The following SHANK1 variants were observed in gnomAD, a reference collection of about 807,000 sequenced individuals.
The protein encoded by SHANK1 is SH3 and multiple ankyrin repeat domains 1, also known as SH3 and multiple ankyrin repeat domains protein 1.
Under a neutral mutation model 165.6 loss-of-function variants are expected in SHANK1, and 35 were observed. That is an observed-to-expected ratio of 0.21 (90% CI 0.16 to 0.28). The LOEUF (loss-of-function observed/expected upper bound fraction) is 0.28. SHANK1 is among the 10% of genes least tolerant of loss of function. The pLI is 1.00. For missense variants in SHANK1, 2,681 were observed against 3,036.4 expected (o/e 0.88, Z 2.75); for synonymous variants, 1,428 against 1,384.8 (o/e 1.03, Z -0.69).
intron 8 of SHANK1, among the ~76,000 whole-genome samples, chr19:50,706,324 G>T (rs2088938501): frequency 6.6e-6 from 1 of 152,160 alleles, no homozygotes; most frequent in Non-Finnish European, 1.5e-5. Context: ...GTGGGGGCAG[G>T]ACTGGGCCAG....
chr19:50,688,639 G>C lies in SHANK1; in HGVS notation c.2172+205C>G, dbSNP rs1289620529. 6.6e-6 allele frequency among the ~76,000 whole-genome samples: 1 copy of C among 152,202 alleles called. No individual in the cohort carries two copies. Among genetic ancestry groups the C allele is most frequent in the Non-Finnish European group, 1.5e-5 (1 of 68,046 alleles). On this transcript the variant is annotated intron_variant, in intron 17 of 23. Coordinates refer to ENST00000293441, the MANE Select transcript of SHANK1 (RefSeq NM_016148.5). This position sits in a 1 kb window ranked among gnomAD's most constrained non-coding sequence, Gnocchi z 6.7. ...CGGTATTGTGTATGTGTTGGGGACAGCTCTGTGTCACTCTTTTGAGATGCC... is the reference window on the plus strand; with the variant it reads ...CGGTATTGTGTATGTGTTGGGGACACCTCTGTGTCACTCTTTTGAGATGCC...
intron 15 of SHANK1, among the ~76,000 whole-genome samples, chr19:50,691,620 G>A (rs1029699873): frequency 1.3e-5 from 2 of 152,180 alleles, no homozygotes; most frequent in African/African-American, 4.8e-5. Flanking sequence ...TCATTAAATT[G>A]TCTTCTCATA....
chr19:50,672,330 G>A (rs929995293), intron 21 of SHANK1, among the ~76,000 whole-genome samples: 10 of 152,110 alleles, frequency 6.6e-5, no homozygotes, highest in Non-Finnish European at 5.9e-5. Flanking sequence ...AGGATCACCT[G>A]AGGTCAGGAG....
intron 21 of SHANK1, among the ~76,000 whole-genome samples, chr19:50,678,262 G>A (rs1319704748): frequency 4.6e-5 from 7 of 152,126 alleles, no homozygotes; most frequent in African/African-American, 9.7e-5. Context: ...GGAGGGGTAC[G>A]AAGAGCCAGG....
At position 50,691,854 on chromosome 19, in the gene SHANK1, C is replaced by CTT. The variant is rs57133907; in HGVS notation, c.1965-2577_1965-2576dup. On this transcript the variant is annotated intron_variant, in intron 15 of 23. Coordinates refer to ENST00000293441, the MANE Select transcript of SHANK1 (RefSeq NM_016148.5). ...ACCATGGCCAACTAATTAAAAAAAT[C>CTT]TTTTTTTTTGGTAGAGATGGGGGTC... Among the ~76,000 whole-genome samples, 987 of 151,162 alleles carry CTT rather than the reference C, an allele frequency of 6.5e-3. 7 individuals carry two copies. Among genetic ancestry groups the CTT allele is most frequent in the East Asian group, 0.038 (197 of 5,130 alleles).
In SHANK1 at chr19:50,717,697, C is replaced by T. The variant is rs534844751; in HGVS notation, c.-43-735G>A. ...AGGGTGTGCGGGTAGGTGGGGAGGT[C>T]GGCCTGGGGAGTGCTGTCCAGGTGA... On this transcript the variant is annotated intron_variant, in intron 1 of 23. Transcript: ENST00000293441. The surrounding 1 kb of genome is among the most constrained non-coding windows in gnomAD (Gnocchi z 5.5). 9.4e-4 allele frequency among the ~76,000 whole-genome samples: 143 copies of T among 152,004 alleles called. No individual in the cohort carries two copies. Among genetic ancestry groups the T allele is most frequent in the African/African-American group, 3.4e-3 (141 of 41,444 alleles).
At chr19:50,704,628 C>T in intron 8 of SHANK1, 114 bp from the exon 9 acceptor site, 1 of 941,232 alleles carries the variant, frequency 1.1e-6, no homozygotes, top group Non-Finnish European at 1.7e-6. Context: ...CCACCCTAAA[C>T]CCGCACCACT....
Position 50,668,761 on chromosome 19 carries a change from G to T in SHANK1, c.3199C>A (p.His1067Asn). The T allele has an allele frequency of 7.9e-7, 1 of 1,273,864 alleles. No homozygotes were observed. The highest frequency in any genetic ancestry group is 9.8e-7 in the Non-Finnish European group (1 of 1,016,612). The allele number at this position is 1,273,864 out of a possible 1,614,324, so 78.9% of individuals were successfully genotyped here. A position where few individuals can be genotyped will look rare whatever the true frequency, so the allele number is the denominator to read the frequency against. ...CCGCCGCCCCCGCCCGCGCTGCCGTGGTGCGATGGGGACGGGGCCCCCGGG... is the reference window on the plus strand; with the variant it reads ...CCGCCGCCCCCGCCCGCGCTGCCGTTGTGCGATGGGGACGGGGCCCCCGGG... ...PTPGAPSPSH[H>N]GSAGGGGGSS... Residue 1067 changes from histidine to asparagine, a missense_variant, in exon 23 of 24, where the codon CAC becomes AAC. His to Asn is a moderately conservative substitution (Grantham distance 68, BLOSUM62 1). Transcript: ENST00000293441.
In SHANK1 at chr19:50,717,240, G is replaced by A. The variant is rs1020120287; in HGVS notation, c.-43-278C>T. Among the ~76,000 whole-genome samples the A allele has an allele frequency of 3.9e-5, 6 of 152,236 alleles. No individual in the cohort carries two copies. The highest frequency in any genetic ancestry group is 5.9e-5 in the Non-Finnish European group (4 of 68,042). ...GCCCCCTGCGCCCCACTTTGCTGGT[G>A]ACCCAGCGTGGCCGTGTCCCAGAAA... is the stretch of plus-strand genomic sequence containing the variant. On this transcript the variant is annotated intron_variant, in intron 1 of 23. Transcript: ENST00000293441. The surrounding 1 kb of genome is among the most constrained non-coding windows in gnomAD (Gnocchi z 5.5).
chr19:50,675,121 G>C (rs1985935590), intron 21 of SHANK1, among the ~76,000 whole-genome samples: 1 of 148,916 alleles, frequency 6.7e-6, no homozygotes. Flanking sequence ...TGTCATCTTA[G>C]TTACTTGGGA....
rs960469212 is a variant in SHANK1 at position 50,713,551 on chromosome 19, T to C, written c.792+247A>G. ...TGGGCCACAGGGGATGGAGACGTTCTGGGTGTTTAGGGGAGGAGGCCGTGC... is the reference window on the plus strand; with the variant it reads ...TGGGCCACAGGGGATGGAGACGTTCCGGGTGTTTAGGGGAGGAGGCCGTGC... On this transcript the variant is annotated intron_variant, in intron 6 of 23. Coordinates refer to ENST00000293441, the MANE Select transcript of SHANK1 (RefSeq NM_016148.5). The surrounding 1 kb of genome is among the most constrained non-coding windows in gnomAD (Gnocchi z 6.2). Among the ~76,000 whole-genome samples the C allele has an allele frequency of 9.9e-5, 15 of 152,020 alleles. No homozygotes were observed. The highest frequency in any genetic ancestry group is 9.2e-4 in the Admixed American group (14 of 15,266).
chr19:50,684,988 C>T (rs553175305), intron 21 of SHANK1, among the ~76,000 whole-genome samples: 13 of 152,202 alleles, frequency 8.5e-5, no homozygotes, highest in Non-Finnish European at 1.6e-4. Context: ...AGAAGGACCA[C>T]GGCAGCCTGC....
At chr19:50,707,422 C>T (rs192000699) in intron 8 of SHANK1, among the ~76,000 whole-genome samples, 1 of 152,180 alleles carries the variant, frequency 6.6e-6, no homozygotes, top group Non-Finnish European at 1.5e-5. Context: ...CTTGATCTTA[C>T]CCCTTCCACA....
intron 21 of SHANK1, among the ~76,000 whole-genome samples, chr19:50,681,022 C>CG (rs1001357241): frequency 1.3e-5 from 2 of 151,940 alleles, no homozygotes; most frequent in African/African-American, 4.8e-5. Context: ...CAAGAAGCCT[C>CG]GGGGGGTACT....
chr19:50,699,177 G>A (rs1297829457), intron 12 of SHANK1, among the ~76,000 whole-genome samples: 1 of 152,232 alleles, frequency 6.6e-6, no homozygotes, highest in African/African-American at 2.4e-5. Flanking sequence ...TTGTCAAGGG[G>A]ACTGGGTTCT....
intron 21 of SHANK1, among the ~76,000 whole-genome samples, chr19:50,685,966 C>T (rs1304365661): frequency 6.6e-6 from 1 of 151,750 alleles, no homozygotes; most frequent in Non-Finnish European, 1.5e-5. Flanking sequence ...CGCAGAGGGA[C>T]ACAAAGAGGC....
At position 50,668,032 on chromosome 19, in the gene SHANK1, AGCCCGCGCCGCT is replaced by A. The variant is rs1017733936; in HGVS notation, c.3916_3927del (p.Ser1306_Gly1309del). 3.4e-6 allele frequency: 5 copies of A among 1,476,116 alleles called. No individual in the cohort carries two copies. The highest frequency in any genetic ancestry group is 1.5e-5 in the African/African-American group (1 of 68,124). 91.4% of individuals were successfully genotyped at this position (1,476,116 alleles called of 1,614,324 possible). On this transcript the variant is annotated inframe_deletion, in exon 23 of 24. Transcript: ENST00000293441. ...CGGCTACCGGCCCCGTAGCCGCCGT[AGCCCGCGCCGCT>A]GCCCGCAGACTCCAGTCGGAGGTAG...
In SHANK1 at chr19:50,668,854, G is replaced by T. The variant is rs1321653301; in HGVS notation, c.3106C>A (p.Pro1036Thr). 4.7e-6 allele frequency: 6 copies of T among 1,287,434 alleles called. No homozygotes were observed. Among genetic ancestry groups the T allele is most frequent in the Admixed American group, 3.8e-5 (1 of 26,274 alleles). 79.8% of individuals were successfully genotyped at this position (1,287,434 alleles called of 1,614,324 possible). The change falls in exon 23 of 24, where the codon CCA becomes ACA. Residue 1036 changes from proline to threonine, a missense_variant. By Grantham distance (38) the Pro-to-Thr change is conservative. This residue lies in a region of SHANK1 where 1,713 missense variants were observed against 1,630.2 expected (regional missense o/e 1.05). Transcript: ENST00000293441. The part of the protein sequence containing the change: ...METGGSPDDP[P>T]PRLALGPQPS... ...TGGGGCCCCAGAGCCAGGCGGGGTG[G>T]AGGGTCGTCGGGAGAGCCGCCTGTC...
Position 50,714,299 on chromosome 19 carries a change from T to C in SHANK1, c.532-9A>G. ...AACTTCTTCAACCCCGTCTGAGCCA[T>C]GGGCAAAGAGAGAGAAGACAGGACA... On this transcript the variant is annotated splice_polypyrimidine_tract_variant and intron_variant, in intron 4 of 23. Transcript: ENST00000293441. The C allele has an allele frequency of 3.1e-6, 5 of 1,612,868 alleles. No individual in the cohort carries two copies. Among genetic ancestry groups the C allele is most frequent in the Non-Finnish European group, 4.2e-6 (5 of 1,179,142 alleles).
Sources: gnomAD v4.1 joint callset for allele counts (sites outside exome capture counted in the v4.1 genomes callset) on GRCh38, gnomAD v4.1.1 for gene constraint, gnomAD v4.1.1 regional missense constraint, Gnocchi (gnomAD v3.1) non-coding constraint, MANE v1.5 for transcripts, NCBI Gene and HGNC (gene_info 2026-07-23, HGNC 2026-07-21) for gene names.